UBAC2: variants seen among roughly 807,000 people sequenced by gnomAD.
The protein encoded by UBAC2 is UBA domain containing 2.
A neutral mutation model predicts 44.0 loss-of-function variants in UBAC2; 26 were observed. The observed-to-expected ratio is 0.59, with a 90% confidence interval of 0.43 to 0.82. UBAC2 has a LOEUF of 0.82. Ranked by LOEUF, UBAC2 falls within the 40% of genes least tolerant of loss-of-function variation. The pLI is 0.00. For missense variants in UBAC2, 329 were observed against 419.4 expected (o/e 0.78, Z 1.88); for synonymous variants, 155 against 154.3 (o/e 1.00, Z -0.04).
chr13:99,352,066 A>T (rs1205775509), intron 7 of UBAC2, among the ~76,000 whole-genome samples: 1 of 152,164 alleles, frequency 6.6e-6, no homozygotes, highest in African/African-American at 2.4e-5. Flanking sequence ...ATCATCTGAG[A>T]TGTGCACCAG....
chr13:99,302,462 A>G (rs1344539390), intron 4 of UBAC2, among the ~76,000 whole-genome samples: 1 of 152,210 alleles, frequency 6.6e-6, no homozygotes, highest in Non-Finnish European at 1.5e-5. Flanking sequence ...GAAGAAAGAA[A>G]TCATTCATTA....
chr13:99,332,827 C>A (rs796133188), intron 6 of UBAC2, among the ~76,000 whole-genome samples: 2 of 152,240 alleles, frequency 1.3e-5, no homozygotes, highest in Non-Finnish European at 2.9e-5. Context: ...GCCTGCAAGA[C>A]CTCCTTGGTA....
At chr13:99,239,712 G>A (rs926106035) in intron 2 of UBAC2, among the ~76,000 whole-genome samples, 2 of 152,204 alleles carry the variant, frequency 1.3e-5, no homozygotes, top group African/African-American at 4.8e-5. Flanking sequence ...TTCTGTCCAG[G>A]AATGGGAATA....
intron 6 of UBAC2, among the ~76,000 whole-genome samples, chr13:99,337,702 A>C (rs2044809747): frequency 1.3e-5 from 2 of 152,196 alleles, no homozygotes; most frequent in South Asian, 4.1e-4. Flanking sequence ...TGAGATGCAC[A>C]TAATCTGCCT....
At chr13:99,327,829 T>G (rs938877583) in intron 6 of UBAC2, among the ~76,000 whole-genome samples, 3 of 152,228 alleles carry the variant, frequency 2.0e-5, no homozygotes, top group Admixed American at 2.0e-4. Flanking sequence ...TATTAAAAGA[T>G]TCTTTTTCCC....
At chr13:99,254,853 A>G in intron 4 of UBAC2, 2 of 1,575,824 alleles carry the variant, frequency 1.3e-6, no homozygotes, top group African/African-American at 1.3e-5. Flanking sequence ...TTTTGATGGG[A>G]TTGAAATGAA....
chr13:99,296,256 A>G, intron 4 of UBAC2: 1 of 1,028,222 alleles, frequency 9.7e-7, no homozygotes. Context: ...TAATGTATCA[A>G]AGCAATCCAA....
chr13:99,320,384 AG>A (rs2044552151), intron 6 of UBAC2, among the ~76,000 whole-genome samples: 2 of 152,336 alleles, frequency 1.3e-5, no homozygotes, highest in African/African-American at 4.8e-5. Context: ...TTGTTTCAGA[AG>A]GGTGAATAGA....
In UBAC2 at chr13:99,238,508, A is replaced by G; in HGVS notation, c.113A>G (p.Gln38Arg). ...CTCGCCCTCCTCCTGCCTCACTGCCAGAAGCTCTTTGTGTATGACCTTCAC... is the reference window on the plus strand; with the variant it reads ...CTCGCCCTCCTCCTGCCTCACTGCCGGAAGCTCTTTGTGTATGACCTTCAC... ...LLLALLLPHC[Q>R]KLFVYDLHAV... The change falls in exon 2 of 9, where the codon CAG (glutamine) becomes CGG (arginine). Residue 38 changes from glutamine (Q) to arginine (R), a missense_variant. By Grantham distance (43) the Gln-to-Arg change is conservative. Coordinates refer to ENST00000403766, the MANE Select transcript of UBAC2 (RefSeq NM_001144072.2). 1 of 1,613,798 alleles carries G rather than the reference A, an allele frequency of 6.2e-7. No individual in the cohort carries two copies. Among genetic ancestry groups the G allele is most frequent in the Non-Finnish European group, 8.5e-7 (1 of 1,179,916 alleles).
In UBAC2 at chr13:99,378,293, G is replaced by A. The variant is rs545072917; in HGVS notation, c.928-6935G>A. On this transcript the variant is annotated intron_variant, in intron 8 of 8. Coordinates refer to ENST00000403766, the MANE Select transcript of UBAC2 (RefSeq NM_001144072.2). ...TGTAATTCCAGCAAGTTGGGAGGCC[G>A]AGGTGGGCAGATCACTTGAGGTCAG... Among the ~76,000 whole-genome samples, 13 of 152,268 alleles carry A rather than the reference G, an allele frequency of 8.5e-5. No individual in the cohort carries two copies. In the South Asian group the frequency reaches 2.5e-3, roughly 29 times the overall value.
intron 4 of UBAC2, among the ~76,000 whole-genome samples, chr13:99,263,525 G>A (rs999970444): frequency 1.3e-5 from 2 of 152,218 alleles, no homozygotes; most frequent in African/African-American, 4.8e-5. Flanking sequence ...AGGATGTTGA[G>A]TGATGAGGGT....
intron 1 of UBAC2, among the ~76,000 whole-genome samples, chr13:99,231,055 AAAG>A (rs1364261524): frequency 6.6e-6 from 1 of 152,158 alleles, no homozygotes; most frequent in Non-Finnish European, 1.5e-5. Flanking sequence ...CTCAAAAAAA[AAAG>A]GACTCTTGTG....
chr13:99,264,230 T>G (rs192009895), intron 4 of UBAC2, among the ~76,000 whole-genome samples: 6 of 152,332 alleles, frequency 3.9e-5, no homozygotes, highest in Non-Finnish European at 8.8e-5. Context: ...AAATGTACAC[T>G]GTGACCTCAG....
At chr13:99,273,348 C>T (rs2138669619) in intron 4 of UBAC2, among the ~76,000 whole-genome samples, 1 of 152,228 alleles carries the variant, frequency 6.6e-6, no homozygotes, top group East Asian at 1.9e-4. Context: ...GCAGTGAGCA[C>T]CCAGGATAGA....
intron 4 of UBAC2, among the ~76,000 whole-genome samples, chr13:99,256,688 G>A (rs2043564892): frequency 1.5e-5 from 2 of 136,792 alleles, no homozygotes; most frequent in African/African-American, 5.4e-5. Flanking sequence ...TGTGTATGTA[G>A]AAACTTATAA....
intron 1 of UBAC2, among the ~76,000 whole-genome samples, chr13:99,211,657 T>A (rs748148321): frequency 6.6e-6 from 1 of 152,232 alleles, no homozygotes; most frequent in Non-Finnish European, 1.5e-5. Flanking sequence ...GACACTTAAG[T>A]AACTTTCCTG....
intron 6 of UBAC2, among the ~76,000 whole-genome samples, chr13:99,326,954 C>G (rs1411460948): frequency 2.0e-5 from 3 of 152,166 alleles, no homozygotes; most frequent in Non-Finnish European, 4.4e-5. Flanking sequence ...AAAACACAAT[C>G]GACAACTTTT....
intron 6 of UBAC2, among the ~76,000 whole-genome samples, chr13:99,326,056 A>G (rs764253262): frequency 6.6e-6 from 1 of 152,308 alleles, no homozygotes; most frequent in Non-Finnish European, 1.5e-5. Flanking sequence ...TGTATACCCA[A>G]TAGTGGGATT....
chr13:99,281,840 G>C (rs563326154), intron 4 of UBAC2, among the ~76,000 whole-genome samples: 1 of 152,258 alleles, frequency 6.6e-6, no homozygotes, highest in South Asian at 2.1e-4. Flanking sequence ...TGTGAAAGGA[G>C]ACTCAGGCTT....
Sources: gnomAD v4.1 joint callset for allele counts (sites outside exome capture counted in the v4.1 genomes callset) on GRCh38, gnomAD v4.1.1 for gene constraint, MANE v1.5 for transcripts, NCBI Gene and HGNC (gene_info 2026-07-23, HGNC 2026-07-21) for gene names.